ALCAM: variants seen among roughly 807,000 people sequenced by gnomAD.
ALCAM encodes the protein CD166 antigen.
Under a neutral mutation model 70.9 loss-of-function variants are expected in ALCAM, and 30 were observed. The ratio of observed to expected loss-of-function variants is 0.42; its 90% CI spans 0.32 to 0.57. ALCAM has a LOEUF of 0.57. ALCAM is among the 20% of genes least tolerant of loss of function. ALCAM has a pLI of 0.11. For missense variants in ALCAM, 591 were observed against 695.1 expected (o/e 0.85, Z 1.68); for synonymous variants, 249 against 242.5 (o/e 1.03, Z -0.25).
chr3:105,572,597 G>A (rs1043288388), intron 15 of ALCAM, among the ~76,000 whole-genome samples: 6 of 152,102 alleles, frequency 3.9e-5, no homozygotes, highest in East Asian at 3.9e-4. Context: ...GGCTATATAC[G>A]CAGTAATGGG....
At chr3:105,390,180 T>C (rs1452200866) in intron 1 of ALCAM, among the ~76,000 whole-genome samples, 1 of 152,038 alleles carries the variant, frequency 6.6e-6, no homozygotes, top group Non-Finnish European at 1.5e-5. Flanking sequence ...TCCACAATGA[T>C]TGAACTAATT....
chr3:105,527,703 T>A (rs910299041), intron 3 of ALCAM, among the ~76,000 whole-genome samples: 2 of 152,120 alleles, frequency 1.3e-5, no homozygotes, highest in Non-Finnish European at 2.9e-5. Context: ...CTCTGTGGTA[T>A]TGCAGACATA....
intron 1 of ALCAM, among the ~76,000 whole-genome samples, chr3:105,398,267 T>C (rs1430224579): frequency 6.6e-6 from 1 of 152,070 alleles, no homozygotes; most frequent in Non-Finnish European, 1.5e-5. Context: ...TGCTGACCCA[T>C]GCATGCCCAC....
chr3:105,458,629 C>A (rs1937564034), intron 1 of ALCAM, among the ~76,000 whole-genome samples: 1 of 152,086 alleles, frequency 6.6e-6, no homozygotes, highest in African/African-American at 2.4e-5. Flanking sequence ...TTAAAATTAT[C>A]TAAGTAAAAA....
chr3:105,566,787 A>G (rs1331321954), intron 14 of ALCAM, among the ~76,000 whole-genome samples: 1 of 152,148 alleles, frequency 6.6e-6, no homozygotes, highest in Non-Finnish European at 1.5e-5. Context: ...ATATATATGC[A>G]TATAAAGCAT....
intron 1 of ALCAM, among the ~76,000 whole-genome samples, chr3:105,388,502 G>A (rs1028381565): frequency 6.6e-6 from 1 of 151,508 alleles, no homozygotes; most frequent in Non-Finnish European, 1.5e-5. Flanking sequence ...ATGTTCTGCT[G>A]TCTCTTTAAA....
intron 14 of ALCAM, among the ~76,000 whole-genome samples, chr3:105,569,882 T>A (rs950383559): frequency 1.3e-5 from 2 of 152,094 alleles, no homozygotes; most frequent in Non-Finnish European, 2.9e-5. Flanking sequence ...AGGGATACTT[T>A]CTAGGATGTC....
intron 6 of ALCAM, among the ~76,000 whole-genome samples, chr3:105,537,983 A>C (rs576598730): frequency 6.6e-6 from 1 of 152,254 alleles, no homozygotes; most frequent in East Asian, 1.9e-4. Flanking sequence ...AGTAAGAGAG[A>C]AGACTCTCAC....
At chr3:105,402,676 A>C (rs1483793278) in intron 1 of ALCAM, among the ~76,000 whole-genome samples, 1 of 152,028 alleles carries the variant, frequency 6.6e-6, no homozygotes, top group Non-Finnish European at 1.5e-5. Context: ...TCCCCCTTGG[A>C]ATGTAACTCC....
intron 1 of ALCAM, among the ~76,000 whole-genome samples, chr3:105,389,736 C>A (rs1396445363): frequency 2.0e-5 from 3 of 150,436 alleles, no homozygotes; most frequent in South Asian, 2.1e-4. Flanking sequence ...TTCTGTCCCT[C>A]CCCCCTACCC....
At chr3:105,445,183 T>C (rs934612866) in intron 1 of ALCAM, among the ~76,000 whole-genome samples, 6 of 152,078 alleles carry the variant, frequency 3.9e-5, no homozygotes, top group South Asian at 2.1e-4. Context: ...AGTTAATACA[T>C]GAACAAGTAA....
chr3:105,370,457 TA>T (rs984367685), intron 1 of ALCAM, among the ~76,000 whole-genome samples: 19 of 152,138 alleles, frequency 1.2e-4, no homozygotes, highest in African/African-American at 4.3e-4. Context: ...AGTTTTCTCA[TA>T]CAAAATAAAA....
At chr3:105,470,140 C>T (rs1234759847) in intron 1 of ALCAM, among the ~76,000 whole-genome samples, 12 of 149,886 alleles carry the variant, frequency 8.0e-5, no homozygotes, top group South Asian at 6.3e-4. Flanking sequence ...CATACACACA[C>T]ACACACACAC....
chr3:105,544,378 T>G (rs1445604006), intron 8 of ALCAM, among the ~76,000 whole-genome samples: 1 of 151,590 alleles, frequency 6.6e-6, no homozygotes, highest in Non-Finnish European at 1.5e-5. Context: ...ATTACTGCTT[T>G]GAAACCCAGT....
intron 1 of ALCAM, among the ~76,000 whole-genome samples, chr3:105,488,674 G>A (rs189716028): frequency 1.3e-5 from 2 of 148,968 alleles, no homozygotes; most frequent in East Asian, 2.0e-4. Context: ...AAGGGAAGGG[G>A]AAGGGAAGGG....
At chr3:105,503,929 G>A (rs1459458888) in intron 1 of ALCAM, among the ~76,000 whole-genome samples, 1 of 152,094 alleles carries the variant, frequency 6.6e-6, no homozygotes, top group African/African-American at 2.4e-5. Context: ...GCCTTCTCCA[G>A]CCTATTCATC....
At chr3:105,434,223 C>T (rs1937000410) in intron 1 of ALCAM, among the ~76,000 whole-genome samples, 1 of 152,114 alleles carries the variant, frequency 6.6e-6, no homozygotes, top group African/African-American at 2.4e-5. Context: ...CCAAGAACTT[C>T]AAAGCACTCT....
intron 1 of ALCAM, among the ~76,000 whole-genome samples, chr3:105,498,017 C>T (rs1316858387): frequency 7.6e-5 from 11 of 145,118 alleles, no homozygotes; most frequent in East Asian, 2.0e-4. Flanking sequence ...GGCGACAGAG[C>T]GAGACTCTGC....
intron 1 of ALCAM, among the ~76,000 whole-genome samples, chr3:105,465,285 G>A (rs1937684480): frequency 6.6e-6 from 1 of 151,376 alleles, no homozygotes; most frequent in African/African-American, 2.4e-5. Context: ...TAAATTCGTA[G>A]TGGTGTCAGT....
Sources: gnomAD v4.1 joint callset for allele counts (sites outside exome capture counted in the v4.1 genomes callset) on GRCh38, gnomAD v4.1.1 for gene constraint, MANE v1.5 for transcripts, NCBI Gene and HGNC (gene_info 2026-07-23, HGNC 2026-07-21) for gene names.